HSF2BP: variants seen among roughly 807,000 people sequenced by gnomAD.
HSF2BP encodes heat shock factor 2-binding protein.
Under a neutral mutation model 35.0 loss-of-function variants are expected in HSF2BP, and 35 were observed. The observed-to-expected ratio is 1.00, with a 90% confidence interval of 0.76 to 1.32. The LOEUF is 1.32. Among genes scored for constraint, HSF2BP ranks in the 40% most tolerant of loss-of-function variants. The pLI, the probability that HSF2BP is intolerant of heterozygous loss-of-function variation, is 0.00. For missense variants in HSF2BP, 326 were observed against 321.7 expected (o/e 1.01, Z -0.10); for synonymous variants, 114 against 117.4 (o/e 0.97, Z 0.18).
intron 6 of HSF2BP, among the ~76,000 whole-genome samples, chr21:43,618,635 T>C (rs1456196827): frequency 2.6e-5 from 4 of 152,108 alleles, no homozygotes; most frequent in Non-Finnish European, 4.4e-5. Context: ...ATCAAAGATC[T>C]GAATATAAGA....
intron 6 of HSF2BP, among the ~76,000 whole-genome samples, chr21:43,614,169 G>C (rs888783341): frequency 6.6e-6 from 1 of 152,014 alleles, no homozygotes; most frequent in African/African-American, 2.4e-5. Flanking sequence ...TTCAAGACCA[G>C]CCTGGGCAAC....
At chr21:43,592,412 T>A in intron 7 of HSF2BP, 84 bp from the exon 8 acceptor site, 1 of 840,910 alleles carries the variant, frequency 1.2e-6, no homozygotes, top group South Asian at 1.5e-5. Context: ...AAGAGGAACT[T>A]AACGTATTTA....
At chr21:43,582,493 A>G (rs1601617526) in intron 8 of HSF2BP, among the ~76,000 whole-genome samples, 3 of 82,470 alleles carry the variant, frequency 3.6e-5, no homozygotes, top group Admixed American at 1.5e-4. Flanking sequence ...CTGCTGAGGG[A>G]GATGAAGGGC....
intron 3 of HSF2BP, among the ~76,000 whole-genome samples, chr21:43,646,968 A>G (rs1461545630): frequency 2.0e-5 from 3 of 152,208 alleles, no homozygotes; most frequent in African/African-American, 7.2e-5. Flanking sequence ...GTTTTCTTCT[A>G]TGCCCACCCT....
intron 3 of HSF2BP, among the ~76,000 whole-genome samples, chr21:43,653,220 A>AGGGAAGGGAAG (rs1311409720): frequency 1.0e-5 from 1 of 98,958 alleles, no homozygotes; most frequent in Admixed American, 1.3e-4. Context: ...GGGAAGGGGA[A>AGGGAAGGGAAG]GGGAAGGGAA....
chr21:43,644,117 T>TA (rs1345264658), intron 4 of HSF2BP, among the ~76,000 whole-genome samples, 172 bp downstream of exon 4: 1 of 152,230 alleles, frequency 6.6e-6, no homozygotes, highest in African/African-American at 2.4e-5. Flanking sequence ...TAAATGGTTA[T>TA]AAAATCCATC....
intron 7 of HSF2BP, among the ~76,000 whole-genome samples, chr21:43,612,788 A>G (rs1359617627): frequency 6.6e-6 from 1 of 152,102 alleles, no homozygotes; most frequent in Non-Finnish European, 1.5e-5. Context: ...CAAGGTCTGT[A>G]GAGACTCGGT....
intron 7 of HSF2BP, among the ~76,000 whole-genome samples, chr21:43,604,350 CCA>C (rs1041039949): frequency 8.7e-5 from 12 of 137,380 alleles, no homozygotes; most frequent in African/African-American, 2.5e-4. Context: ...CACGCACACA[CCA>C]CACACACACC....
intron 3 of HSF2BP, among the ~76,000 whole-genome samples, chr21:43,653,578 C>T (rs1354059007): frequency 2.0e-5 from 3 of 152,120 alleles, no homozygotes; most frequent in South Asian, 2.1e-4. Flanking sequence ...CCTTTTAAGC[C>T]GTAGTATGGT....
At chr21:43,621,820 C>T (rs544773615) in intron 6 of HSF2BP, among the ~76,000 whole-genome samples, 1 of 151,980 alleles carries the variant, frequency 6.6e-6, no homozygotes, top group South Asian at 2.1e-4. Flanking sequence ...AAAAGAAATA[C>T]TTAAATAATA....
rs75227853 is a variant in HSF2BP, at chr21:43,598,179, T to C, written c.693-5851A>G. On this transcript the variant is annotated intron_variant, in intron 7 of 8. Transcript: ENST00000291560. ...CTCACCCATGTGACCATAGGCACTT[T>C]CTTTTTTTTTGTTTTTTTGTTTTTT... Among the ~76,000 whole-genome samples the C allele has an allele frequency of 4.5e-3, 688 of 152,136 alleles. 4 individuals are homozygous for C. The highest frequency in any genetic ancestry group is 6.8e-3 in the Middle Eastern group (2 of 294).
intron 4 of HSF2BP, among the ~76,000 whole-genome samples, chr21:43,642,668 G>C (rs2082653016): frequency 6.6e-6 from 1 of 152,132 alleles, no homozygotes. Flanking sequence ...ATAGGGAATA[G>C]TTGGGTAAAA....
At chr21:43,615,520 A>C (rs1235031102) in intron 6 of HSF2BP, among the ~76,000 whole-genome samples, 2 of 152,194 alleles carry the variant, frequency 1.3e-5, no homozygotes, top group South Asian at 4.1e-4. Flanking sequence ...CAGATGGACC[A>C]CAAGAGGGAT....
chr21:43,610,340 A>G (rs2082187995), intron 7 of HSF2BP, among the ~76,000 whole-genome samples: 1 of 151,932 alleles, frequency 6.6e-6, no homozygotes, highest in East Asian at 1.9e-4. Flanking sequence ...TGTAATCCCA[A>G]CATTCTGGGA....
chr21:43,598,035 ATC>A (rs2082006691), intron 7 of HSF2BP, among the ~76,000 whole-genome samples: 2 of 152,204 alleles, frequency 1.3e-5, no homozygotes, highest in African/African-American at 4.8e-5. Flanking sequence ...CCTTATCTTT[ATC>A]ATCTCACAAA....
chr21:43,598,314 C>T (rs2082010509), intron 7 of HSF2BP, among the ~76,000 whole-genome samples: 1 of 152,028 alleles, frequency 6.6e-6, no homozygotes, highest in African/African-American at 2.4e-5. Context: ...CAGCAATTCT[C>T]CTGCCTCAGC....
chr21:43,648,985 A>C (rs1364291036), intron 3 of HSF2BP, among the ~76,000 whole-genome samples: 2 of 152,284 alleles, frequency 1.3e-5, no homozygotes, highest in East Asian at 1.9e-4. Context: ...AATTCCTGTT[A>C]TCTCTCTTTA....
chr21:43,592,196 G>A (rs780865236), intron 8 of HSF2BP, 29 bp downstream of exon 8: 6 of 1,452,164 alleles, frequency 4.1e-6, no homozygotes, highest in Non-Finnish European at 4.8e-6. Context: ...ACCCGTACAA[G>A]CAGCTGGACA....
intron 7 of HSF2BP, among the ~76,000 whole-genome samples, chr21:43,612,860 C>T (rs879328842): frequency 6.6e-6 from 1 of 152,034 alleles, no homozygotes; most frequent in Non-Finnish European, 1.5e-5. Context: ...ACACTCAGAA[C>T]GAACAGTGTG....
Sources: gnomAD v4.1 joint callset for allele counts (sites outside exome capture counted in the v4.1 genomes callset) on GRCh38, gnomAD v4.1.1 for gene constraint, MANE v1.5 for transcripts, NCBI Gene and HGNC (gene_info 2026-07-23, HGNC 2026-07-21) for gene names.